Variants in DLGAP2 observed in about 807,000 individuals in gnomAD.
The protein encoded by DLGAP2 is disks large-associated protein 2.
In DLGAP2, 26 loss-of-function variants were observed where a neutral mutation model predicts 100.3. The ratio of observed to expected loss-of-function variants is 0.26; its 90% CI spans 0.19 to 0.36. DLGAP2 has a LOEUF of 0.36. DLGAP2 is among the 10% of genes least tolerant of loss of function. The pLI is 1.00. For missense variants in DLGAP2, 1,858 were observed against 1,453.2 expected, an observed-to-expected ratio of 1.28 and a Z score of -4.53; for synonymous variants, 886 against 630.1, an observed-to-expected ratio of 1.41 and a Z score of -6.08.
chr8:1,653,689 GCGGAC>G (rs1323525105), intron 8 of DLGAP2, among the ~76,000 whole-genome samples: 1 of 68,552 alleles, frequency 1.5e-5, no homozygotes, highest in African/African-American at 5.2e-5. Context: ...AACTGCAGGG[GCGGAC>G]TCCTGTATTT....
intron 8 of DLGAP2, among the ~76,000 whole-genome samples, chr8:1,653,167 G>A (rs1459483053): frequency 2.0e-5 from 3 of 152,196 alleles, no homozygotes; most frequent in Admixed American, 6.5e-5. Flanking sequence ...TCTTAGTGCT[G>A]GCCCTGTGGG....
At chr8:1,666,047 G>C (rs929478307) in intron 8 of DLGAP2, among the ~76,000 whole-genome samples, 9 of 152,198 alleles carry the variant, frequency 5.9e-5, no homozygotes, top group African/African-American at 2.2e-4. Flanking sequence ...TGAGATGAAT[G>C]TGCAGTCCCC....
intron 3 of DLGAP2, among the ~76,000 whole-genome samples, chr8:1,485,793 G>C (rs1799221191): frequency 6.6e-6 from 1 of 152,220 alleles, no homozygotes; most frequent in African/African-American, 2.4e-5. Flanking sequence ...GGGAGGCTGA[G>C]GCAGATGGAT....
At chr8:777,043 G>C (rs575077248) in intron 1 of DLGAP2, among the ~76,000 whole-genome samples, 1 of 151,932 alleles carries the variant, frequency 6.6e-6, no homozygotes, top group Non-Finnish European at 1.5e-5. Context: ...CCTGTATTGG[G>C]TGCATATATA....
chr8:1,199,122 A>G (rs1797815574), intron 2 of DLGAP2, among the ~76,000 whole-genome samples: 1 of 152,250 alleles, frequency 6.6e-6, no homozygotes, highest in African/African-American at 2.4e-5. Flanking sequence ...TTAAACACAC[A>G]TACACACAAC....
chr8:1,442,021 G>C (rs887763500), intron 3 of DLGAP2, among the ~76,000 whole-genome samples: 1 of 152,136 alleles, frequency 6.6e-6, no homozygotes, highest in Non-Finnish European at 1.5e-5. Flanking sequence ...AGCGTGACCA[G>C]TTTCTAAGGG....
Position 1,207,446 on chromosome 8 carries a change from A to G in DLGAP2, c.74-51405A>G, listed in dbSNP as rs1357381032. Among the ~76,000 whole-genome samples the G allele has an allele frequency of 3.9e-5, 6 of 152,164 alleles. No individual in the cohort carries two copies. The East Asian group carries it at 1.2e-3, about 29-fold the overall frequency. On this transcript the variant is annotated intron_variant, in intron 2 of 14. Coordinates refer to ENST00000637795, the MANE Select transcript of DLGAP2 (RefSeq NM_001346810.2). The stretch of plus-strand genomic sequence containing the variant: ...TTGGCTGAGTAGTATTCCATGGTAT[A>G]TATATACCACATTTTCTTTTTTTAC...
intron 3 of DLGAP2, among the ~76,000 whole-genome samples, chr8:1,266,600 C>G (rs151199410): frequency 6.6e-6 from 1 of 152,186 alleles, no homozygotes; most frequent in Non-Finnish European, 1.5e-5. Flanking sequence ...CTGTCCAATG[C>G]TGTTTAACCA....
At chr8:1,645,651 C>G (rs541648486) in intron 8 of DLGAP2, among the ~76,000 whole-genome samples, 2 of 152,274 alleles carry the variant, frequency 1.3e-5, no homozygotes, top group South Asian at 4.2e-4. Flanking sequence ...GTTGATTATC[C>G]AGACAATAAT....
chr8:910,259 T>C (rs1798458335), intron 2 of DLGAP2: 1 of 152,264 alleles, frequency 6.6e-6, no homozygotes, highest in Non-Finnish European at 1.5e-5. Flanking sequence ...TTTTTACTTA[T>C]TTTAGAAATG....
At chr8:1,470,553 T>C (rs142053325) in intron 3 of DLGAP2, among the ~76,000 whole-genome samples, 100 of 152,294 alleles carry the variant, frequency 6.6e-4, no homozygotes, top group Middle Eastern at 3.4e-3. Flanking sequence ...GAAGCACATA[T>C]TGGAATCCTA....
intron 6 of DLGAP2, among the ~76,000 whole-genome samples, chr8:1,574,073 C>T (rs549811495): frequency 7.2e-5 from 11 of 152,202 alleles, no homozygotes; most frequent in African/African-American, 2.4e-4. Flanking sequence ...TTAGGGTAAG[C>T]GGTGGGTAGG....
chr8:1,281,274 C>T (rs967688161), intron 3 of DLGAP2, among the ~76,000 whole-genome samples: 41 of 152,198 alleles, frequency 2.7e-4, no homozygotes, highest in Non-Finnish European at 5.9e-5. Flanking sequence ...GAGCCACGTG[C>T]CACATTGTGT....
At chr8:964,307 C>T (rs1344961835) in intron 2 of DLGAP2, among the ~76,000 whole-genome samples, 1 of 152,202 alleles carries the variant, frequency 6.6e-6, no homozygotes, top group Admixed American at 6.5e-5. Context: ...GCTATTCCCG[C>T]ATGTTTTTAT....
intron 6 of DLGAP2, among the ~76,000 whole-genome samples, chr8:1,582,500 A>G (rs1271632102): frequency 2.6e-5 from 4 of 151,910 alleles, no homozygotes; most frequent in Admixed American, 2.6e-4. Flanking sequence ...ATCAAAATGA[A>G]AAAAGTCATC....
intron 2 of DLGAP2, among the ~76,000 whole-genome samples, chr8:976,960 C>A (rs1334552683): frequency 1.3e-5 from 2 of 152,184 alleles, no homozygotes; most frequent in Admixed American, 1.3e-4. Context: ...AAGTTAAAAA[C>A]TTCTTTGTGA....
At chr8:1,255,024 GT>G (rs1256010844) in intron 2 of DLGAP2, among the ~76,000 whole-genome samples, 16 of 112,394 alleles carry the variant, frequency 1.4e-4, no homozygotes, top group African/African-American at 5.0e-4. Context: ...CTGTGTGTGT[GT>G]CTTCTCCTGC....
chr8:1,588,124 C>G (rs750739504), intron 6 of DLGAP2, among the ~76,000 whole-genome samples: 1 of 152,176 alleles, frequency 6.6e-6, no homozygotes, highest in African/African-American at 2.4e-5. Context: ...AAATATGAGT[C>G]ACTCTCTTTA....
intron 3 of DLGAP2, among the ~76,000 whole-genome samples, chr8:1,364,429 A>C (rs1802059155): frequency 6.8e-6 from 1 of 146,216 alleles, no homozygotes; most frequent in South Asian, 2.3e-4. Context: ...CTCCACCCCG[A>C]CCTTCAGGAA....
Sources: gnomAD v4.1 joint callset for allele counts (sites outside exome capture counted in the v4.1 genomes callset) on GRCh38, gnomAD v4.1.1 for gene constraint, MANE v1.5 for transcripts, NCBI Gene and HGNC (gene_info 2026-07-23, HGNC 2026-07-21) for gene names.